Variants in KMT2C observed in about 807,000 individuals in gnomAD.
KMT2C encodes the protein lysine methyltransferase 2C, also known as histone-lysine N-methyltransferase 2C.
In KMT2C, 88 loss-of-function variants were observed where a neutral mutation model predicts 507.9. The observed-to-expected ratio is 0.17, with a 90% CI of 0.15 to 0.21. The LOEUF is 0.21. KMT2C is among the 10% of genes least tolerant of loss of function. The pLI is 1.00. For synonymous variants in KMT2C, 2,049 were observed against 2,080.8 expected (o/e 0.98, Z 0.42); for missense variants, 4,954 against 5,957.8 (o/e 0.83, Z 5.55).
intron 22 of KMT2C, 67 bp from the exon 23 acceptor site, chr7:152,220,802 C>T (rs2094741039): frequency 3.5e-6 from 4 of 1,147,290 alleles, no homozygotes; most frequent in Non-Finnish European, 2.6e-6. Context: ...ATTACTGTTC[C>T]AAAATACCCA....
chr7:152,145,455 G>A (rs2091009847), intron 53 of KMT2C, among the ~76,000 whole-genome samples, 160 bp from the exon 54 acceptor site: 1 of 152,184 alleles, frequency 6.6e-6, no homozygotes, highest in African/African-American at 2.4e-5. Flanking sequence ...TGGCCTGCAG[G>A]TAGATCTACT....
chr7:152,197,948 G>C (rs1003736960), intron 27 of KMT2C, among the ~76,000 whole-genome samples: 3 of 151,766 alleles, frequency 2.0e-5, no homozygotes, highest in Non-Finnish European at 4.4e-5. Context: ...AAAAAAACTT[G>C]TATCAATATC....
rs1260734236 is a variant in KMT2C, at chr7:152,249,895, T to C, written c.1794A>G (p.Thr598=). 3.1e-6 allele frequency: 5 copies of C among 1,598,244 alleles called. No homozygotes were observed. The highest frequency in any genetic ancestry group is 4.3e-6 in the Non-Finnish European group (5 of 1,165,962). ...QKSHPSESLD[T]DSLLIAVSSQ... is the part of the protein sequence containing the mutation. The stretch of plus-strand genomic sequence containing the variant: ...GCTTACCAGCAATAAGAAGACTATC[T>C]GTGTCAAGACTTTCTGAGGGATGAC... Residue 598 remains threonine (T), a synonymous_variant, in exon 13 of 59, where the codon ACA becomes ACG. Coordinates refer to ENST00000262189, the MANE Select transcript of KMT2C (RefSeq NM_170606.3).
Position 152,407,959 on chromosome 7 carries a change from C to T in KMT2C, c.161+27667G>A, listed in dbSNP as rs954204561. The stretch of plus-strand genomic sequence containing the variant: ...TCAACAGTCCTTACAAAATATGGAA[C>T]ATATACTTCAGTATTATTTAGCTTT... On this transcript the variant is annotated intron_variant, in intron 1 of 58. Coordinates refer to ENST00000262189, the MANE Select transcript of KMT2C (RefSeq NM_170606.3). Among the ~76,000 whole-genome samples, 11 of 152,408 alleles carry T rather than the reference C, an allele frequency of 7.2e-5. No homozygotes were observed. The East Asian group carries it at 1.9e-3, about 27-fold the overall frequency.
chr7:152,178,048 TAGG>T, intron 37 of KMT2C, 38 bp from the exon 38 acceptor site: 1 of 1,138,650 alleles, frequency 8.8e-7, no homozygotes, highest in Non-Finnish European at 1.1e-6. Flanking sequence ...AAAAAGCAAA[TAGG>T]TATTATGTTA....
chr7:152,202,643 T>C (rs887739540), intron 26 of KMT2C, among the ~76,000 whole-genome samples: 6 of 152,174 alleles, frequency 3.9e-5, no homozygotes, highest in African/African-American at 1.4e-4. Context: ...TATCAATGAC[T>C]TGGAAGATTG....
chr7:152,170,605 C>G (rs1165611747), intron 40 of KMT2C, among the ~76,000 whole-genome samples: 2 of 152,118 alleles, frequency 1.3e-5, no homozygotes, highest in South Asian at 4.1e-4. Context: ...CGGGTTCAAG[C>G]GATTCTCCTG....
chr7:152,191,247 T>TC (rs1482400967), intron 31 of KMT2C, among the ~76,000 whole-genome samples: 1 of 152,214 alleles, frequency 6.6e-6, no homozygotes, highest in Non-Finnish European at 1.5e-5. Flanking sequence ...AGTGTATATG[T>TC]CCCATTTCTA....
At chr7:152,357,517 G>A (rs2097162176) in intron 2 of KMT2C, among the ~76,000 whole-genome samples, 1 of 151,858 alleles carries the variant, frequency 6.6e-6, no homozygotes, top group African/African-American at 2.4e-5. Context: ...AGGCAACAGA[G>A]CAAGACTCTT....
chr7:152,422,245 G>A (rs186195743), intron 1 of KMT2C, among the ~76,000 whole-genome samples: 7 of 146,968 alleles, frequency 4.8e-5, no homozygotes, highest in Middle Eastern at 3.4e-3. Flanking sequence ...TCAGTATTTC[G>A]AGACCAGCCT....
chr7:152,389,778 AT>A (rs2097474847), intron 1 of KMT2C, among the ~76,000 whole-genome samples: 1 of 152,162 alleles, frequency 6.6e-6, no homozygotes, highest in African/African-American at 2.4e-5. Flanking sequence ...GGTTATGTGA[AT>A]AGTGGGATTA....
At chr7:152,216,934 T>C (rs778283661) in intron 23 of KMT2C, among the ~76,000 whole-genome samples, 39 of 152,332 alleles carry the variant, frequency 2.6e-4, no homozygotes, top group South Asian at 8.3e-4. Flanking sequence ...GCTGGGTGCC[T>C]GGCATGCATC....
rs1157779670 is a variant in KMT2C, at chr7:152,178,565, T to G, written c.7443-555A>C. On this transcript the variant is annotated intron_variant, in intron 37 of 58. Transcript: ENST00000262189. ...TAAGTAAATGTATAAATTGTTGGAC[T>G]ATTTTATATTGTACTTCCTTCTAGA... Among the ~76,000 whole-genome samples the G allele has an allele frequency of 2.6e-5, 4 of 152,200 alleles. No homozygotes were observed. In the East Asian group the frequency reaches 7.7e-4, roughly 29 times the overall value.
intron 1 of KMT2C, among the ~76,000 whole-genome samples, chr7:152,403,709 GACACATACACACACACAC>G (rs2097586147): frequency 1.3e-4 from 19 of 150,926 alleles, no homozygotes; most frequent in African/African-American, 4.6e-4. Context: ...GAAAAACTGG[GACACATACACACACACAC>G]ACACACACAC....
chr7:152,173,525 T>C (rs976601623), intron 39 of KMT2C, among the ~76,000 whole-genome samples: 1 of 152,218 alleles, frequency 6.6e-6, no homozygotes, highest in African/African-American at 2.4e-5. Flanking sequence ...GATCAAAATT[T>C]AAGAAACAGT....
chr7:152,254,228 C>T (rs1236121716), intron 9 of KMT2C, among the ~76,000 whole-genome samples: 1 of 151,858 alleles, frequency 6.6e-6, no homozygotes, highest in Admixed American at 6.6e-5. Flanking sequence ...TCAGCCTGGG[C>T]AACACACAGA....
chr7:152,395,358 C>T (rs146160601), intron 1 of KMT2C, among the ~76,000 whole-genome samples: 6 of 151,618 alleles, frequency 4.0e-5, no homozygotes, highest in Admixed American at 2.0e-4. Flanking sequence ...TTTTCTTTCC[C>T]CCCCCCAGTT....
chr7:152,178,015 T>TTTTAAAAAAAA lies in KMT2C; in HGVS notation c.7443-6_7443-5insTTTTTTTTAAA. The TTTTAAAAAAAA allele has an allele frequency of 1.2e-6, 1 of 809,858 alleles. No individual in the cohort carries two copies. Among genetic ancestry groups the TTTTAAAAAAAA allele is most frequent in the African/African-American group, 3.1e-5 (1 of 31,876 alleles). 50.2% of individuals were successfully genotyped at this position (809,858 alleles called of 1,614,324 possible). On this transcript the variant is annotated splice_polypyrimidine_tract_variant and splice_region_variant and intron_variant, in intron 37 of 58. Coordinates refer to ENST00000262189, the MANE Select transcript of KMT2C (RefSeq NM_170606.3). ...CTACCTCCTGGAAATCCAAATCTTT[T>TTTTAAAAAAAA]AAAAAAAAAAAAAAAAAAAAAAAAA...
At chr7:152,180,364 T>A (rs1453795426) in intron 36 of KMT2C, among the ~76,000 whole-genome samples, 2 of 152,192 alleles carry the variant, frequency 1.3e-5, no homozygotes, top group East Asian at 3.8e-4. Flanking sequence ...TATGTGGCTA[T>A]GGTAATGTTT....
Sources: gnomAD v4.1 joint callset for allele counts (sites outside exome capture counted in the v4.1 genomes callset) on GRCh38, gnomAD v4.1.1 for gene constraint, MANE v1.5 for transcripts, NCBI Gene and HGNC (gene_info 2026-07-23, HGNC 2026-07-21) for gene names.